The following PAX9 variants were observed in gnomAD, a reference collection of about 807,000 sequenced individuals.
PAX9 encodes paired box 9.
A neutral mutation model predicts 29.1 loss-of-function variants in PAX9; 6 were observed. The observed-to-expected ratio is 0.21, with a 90% confidence interval of 0.11 to 0.41. The LOEUF (loss-of-function observed/expected upper bound fraction) is 0.41. PAX9 is among the 10% of genes least tolerant of loss of function. The probability of loss-of-function intolerance (pLI) is 1.00; values close to 1 mark genes in which losing one functional copy is unlikely to be tolerated. For missense variants in PAX9, 443 were observed against 479.1 expected (o/e 0.92, Z 0.70); for synonymous variants, 217 against 211.7 (o/e 1.03, Z -0.22).
chr14:36,674,109 T>C (rs1200894414), intron 3 of PAX9, among the ~76,000 whole-genome samples: 1 of 152,234 alleles, frequency 6.6e-6, no homozygotes, highest in Non-Finnish European at 1.5e-5. Context: ...TTTTCCCCTG[T>C]AATTTGATAG....
intron 3 of PAX9, 130 bp downstream of exon 3, chr14:36,666,731 G>A (rs1476419791): frequency 1.6e-6 from 2 of 1,227,952 alleles, no homozygotes; most frequent in Non-Finnish European, 2.3e-6. Context: ...TTGCTGCTAC[G>A]AGCCAGATCC....
rs765850947 is a variant in PAX9, at chr14:36,663,563, TG to T, written c.631+41del. On this transcript the variant is annotated intron_variant, in intron 2 of 3. Transcript: ENST00000361487. ...GCTGGGCGTGTGGATGTGCAGCGTC[TG>T]CCCCCGCACTCTCGCGGAGGTCCCA... 1.7e-5 allele frequency: 27 copies of T among 1,611,186 alleles called. No individual in the cohort carries two copies. In the Admixed American group the frequency reaches 2.0e-4, roughly 12 times the overall value.
In PAX9 at chr14:36,663,489, C is replaced by G; in HGVS notation, c.597C>G (p.Thr199=). ...PRTWPSSHSV[T]DILGIRSITD... is the part of the protein sequence containing the mutation. ...CCTGGCCCTCCTCGCACTCCGTCAC[C>G]GACATCCTGGGCATCCGCTCCATCA... Residue 199 remains threonine, a synonymous_variant, in exon 2 of 4, where the codon ACC becomes ACG. Transcript: ENST00000361487. 6.2e-7 allele frequency: 1 copy of G among 1,612,974 alleles called. No individual in the cohort carries two copies. The highest frequency in any genetic ancestry group is 8.5e-7 in the Non-Finnish European group (1 of 1,179,904).
intron 3 of PAX9, among the ~76,000 whole-genome samples, chr14:36,673,971 C>T (rs1211411446): frequency 7.2e-5 from 11 of 152,218 alleles, no homozygotes; most frequent in Non-Finnish European, 1.5e-4. Flanking sequence ...GTTAACACCA[C>T]ATACAGATGT....
At chr14:36,661,840 G>T (rs1336165574), upstream of PAX9, 1 of 575,206 alleles carries the variant, frequency 1.7e-6, no homozygotes, top group East Asian at 3.0e-5. Flanking sequence ...AGTGATAGAC[G>T]GAGCCGCCCT....
chr14:36,678,311 A>G lies in PAX9; in HGVS notation c.*1859A>G. The G allele has an allele frequency of 1.8e-6, 1 of 566,756 alleles. No individual in the cohort carries two copies. The highest frequency in any genetic ancestry group is 3.1e-6 in the Non-Finnish European group (1 of 321,690). The allele number at this position is 566,756 out of a possible 1,614,324, so 35.1% of individuals were successfully genotyped here. A position where few individuals can be genotyped will look rare whatever the true frequency, so the allele number is the denominator to read the frequency against. ...AGTGACTGCTTTTTTCAGACAGCAG[A>G]TATCTTATAGAGAGCTTTGAACTGC... is the stretch of plus-strand genomic sequence containing the variant. On this transcript the variant is annotated 3_prime_UTR_variant, in exon 4 of 4. Transcript: ENST00000361487.
chr14:36,666,902 G>A (rs368523021), intron 3 of PAX9, among the ~76,000 whole-genome samples: 9 of 152,268 alleles, frequency 5.9e-5, no homozygotes, highest in African/African-American at 2.2e-4. Flanking sequence ...GTCGGCCTCC[G>A]GGAGCTTGGG....
chr14:36,662,537 G>A (rs1350353141), intron 1 of PAX9: 2 of 415,560 alleles, frequency 4.8e-6, no homozygotes, highest in Non-Finnish European at 8.6e-6. Flanking sequence ...GTGGAGAGAG[G>A]GAGCGGCTCA....
chr14:36,667,268 T>C (rs1456792484), intron 3 of PAX9, among the ~76,000 whole-genome samples: 1 of 151,974 alleles, frequency 6.6e-6, no homozygotes, highest in Non-Finnish European at 1.5e-5. Flanking sequence ...ACCGTTTAAT[T>C]TTTCTTTCCC....
intron 2 of PAX9, 107 bp from the exon 3 acceptor site, chr14:36,666,355 C>A: frequency 6.9e-7 from 1 of 1,450,472 alleles, no homozygotes; most frequent in Non-Finnish European, 9.2e-7. Context: ...AGGGAGCCGA[C>A]CCAAGGTCTA....
chr14:36,662,240 T>TAGG (rs1881303951), intron 1 of PAX9, 147 bp downstream of exon 1: 1 of 955,846 alleles, frequency 1.0e-6, no homozygotes, highest in African/African-American at 1.7e-5. Context: ...CTACAAGTTG[T>TAGG]AGGAACACGC....
At chr14:36,675,178 C>G (rs1881837327) in intron 3 of PAX9, among the ~76,000 whole-genome samples, 1 of 152,162 alleles carries the variant, frequency 6.6e-6, no homozygotes, top group Non-Finnish European at 1.5e-5. Context: ...TATCAGGACA[C>G]AGCATCTACA....
chr14:36,675,009 G>T (rs1881831151), intron 3 of PAX9, among the ~76,000 whole-genome samples: 1 of 152,134 alleles, frequency 6.6e-6, no homozygotes, highest in South Asian at 2.1e-4. Flanking sequence ...AAATTAGAAA[G>T]TAATTCCTGT....
upstream of PAX9, among the ~76,000 whole-genome samples, chr14:36,660,918 G>A (rs910107395): frequency 3.9e-5 from 6 of 152,242 alleles, no homozygotes; most frequent in Admixed American, 3.3e-4. Flanking sequence ...AATGGAAGAC[G>A]AGGGAATTAC....
intron 3 of PAX9, among the ~76,000 whole-genome samples, chr14:36,673,925 A>G (rs946345662): frequency 1.4e-4 from 21 of 152,266 alleles, no homozygotes; most frequent in Middle Eastern, 3.2e-3. Flanking sequence ...CATCAGTAGT[A>G]TAAAACATTA....
upstream of PAX9, among the ~76,000 whole-genome samples, chr14:36,660,937 G>A (rs770691252): frequency 6.6e-6 from 1 of 152,248 alleles, no homozygotes; most frequent in Non-Finnish European, 1.5e-5. Flanking sequence ...ACATCCATGT[G>A]CAGCGTCGGT....
intron 3 of PAX9, among the ~76,000 whole-genome samples, chr14:36,669,437 C>CA (rs5807896): frequency 0.51 from 76,824 of 151,278 alleles, 20,853 homozygotes; most frequent in East Asian, 0.75. Context: ...TGTCTTTGGC[C>CA]AAAAAAAAGC....
chr14:36,662,758 A>T lies in PAX9; in HGVS notation c.5-139A>T, dbSNP rs1362735313. On this transcript the variant is annotated intron_variant, in intron 1 of 3. Coordinates refer to ENST00000361487, the MANE Select transcript of PAX9 (RefSeq NM_001372076.1). ...CCGTTCGGCTATGTTCAGGGACCAT[A>T]TGGTTTGGGGACAGCCCCAGTAGTT... 3 of 1,005,300 alleles carry T rather than the reference A, an allele frequency of 3.0e-6. No individual in the cohort carries two copies. In the Admixed American group the frequency reaches 6.9e-5, roughly 23 times the overall value. 62.3% of individuals were successfully genotyped at this position (1,005,300 alleles called of 1,614,324 possible).
chr14:36,661,909 T>C lies in PAX9; in HGVS notation c.-181T>C. Reference sequence around the variant, plus strand: ...ATTGAAATGCAGAACTCAAGCCTCTTTCATCGGGGCACAGACTTCCTTTTA... The same window carrying C: ...ATTGAAATGCAGAACTCAAGCCTCTCTCATCGGGGCACAGACTTCCTTTTA... On this transcript the variant is annotated 5_prime_UTR_variant, in exon 1 of 4. Transcript: ENST00000361487. The C allele has an allele frequency of 1.4e-6, 1 of 737,598 alleles. No individual in the cohort carries two copies. The highest frequency in any genetic ancestry group is 2.4e-6 in the Non-Finnish European group (1 of 423,828). The allele number at this position is 737,598 out of a possible 1,614,324, so 45.7% of individuals were successfully genotyped here.
Sources: gnomAD v4.1 joint callset for allele counts (sites outside exome capture counted in the v4.1 genomes callset) on GRCh38, gnomAD v4.1.1 for gene constraint, MANE v1.5 for transcripts, NCBI Gene and HGNC (gene_info 2026-07-23, HGNC 2026-07-21) for gene names.